The following MAN1A1 variants were observed in gnomAD, a reference collection of about 807,000 sequenced individuals.
MAN1A1 encodes the protein mannosidase alpha class 1A member 1.
MAN1A1 carries 29 observed loss-of-function variants against 70.8 expected under a neutral mutation model. The observed-to-expected ratio is 0.41, with a 90% CI of 0.31 to 0.56. MAN1A1 has a LOEUF of 0.56. MAN1A1 is among the 20% of genes least tolerant of loss of function. The probability of loss-of-function intolerance (pLI) is 0.29; values close to 1 mark genes in which losing one functional copy is unlikely to be tolerated. For missense variants in MAN1A1, 747 were observed against 841.3 expected (o/e 0.89, Z 1.39); for synonymous variants, 349 against 330.1 (o/e 1.06, Z -0.62).
chr6:119,203,581 A>AGGT (rs2114948578), intron 7 of MAN1A1, among the ~76,000 whole-genome samples: 1 of 152,198 alleles, frequency 6.6e-6, no homozygotes, highest in East Asian at 1.9e-4. Flanking sequence ...GTGTACATAC[A>AGGT]GTACACCAGG....
At chr6:119,225,912 A>G (rs1421447642) in intron 6 of MAN1A1, among the ~76,000 whole-genome samples, 4 of 152,244 alleles carry the variant, frequency 2.6e-5, no homozygotes, top group Admixed American at 2.6e-4. Flanking sequence ...CTAGAAGAAC[A>G]TATTTAGGTT....
chr6:119,243,221 C>A (rs939339976), intron 6 of MAN1A1, among the ~76,000 whole-genome samples: 2 of 151,946 alleles, frequency 1.3e-5, no homozygotes, highest in African/African-American at 4.8e-5. Flanking sequence ...AATACTAGCA[C>A]CATTAAATCA....
chr6:119,307,562 T>C (rs1038353986), intron 2 of MAN1A1, among the ~76,000 whole-genome samples: 10 of 152,326 alleles, frequency 6.6e-5, no homozygotes, highest in African/African-American at 1.9e-4. Flanking sequence ...TTGTTTATTT[T>C]AATGTAATCA....
At chr6:119,219,388 C>G (rs1345676503) in intron 6 of MAN1A1, among the ~76,000 whole-genome samples, 1 of 152,124 alleles carries the variant, frequency 6.6e-6, no homozygotes, top group Admixed American at 6.5e-5. Flanking sequence ...TTATCTTGGG[C>G]ATGTCCCTTC....
At chr6:119,274,844 G>A (rs1251737952) in intron 5 of MAN1A1, among the ~76,000 whole-genome samples, 2 of 152,170 alleles carry the variant, frequency 1.3e-5, no homozygotes, top group African/African-American at 4.8e-5. Context: ...CTCTATTGAT[G>A]AAAAGAGTCA....
At chr6:119,220,287 C>T (rs1347746979) in intron 6 of MAN1A1, among the ~76,000 whole-genome samples, 3 of 151,996 alleles carry the variant, frequency 2.0e-5, no homozygotes, top group African/African-American at 7.2e-5. Flanking sequence ...AAATTTAAAG[C>T]TTAATTCCAA....
chr6:119,291,428 T>C (rs1241873138), intron 4 of MAN1A1, among the ~76,000 whole-genome samples: 1 of 152,056 alleles, frequency 6.6e-6, no homozygotes, highest in African/African-American at 2.4e-5. Flanking sequence ...CTAAACAAAA[T>C]TACAAAAATA....
chr6:119,292,216 C>T (rs548353847), intron 4 of MAN1A1, among the ~76,000 whole-genome samples: 89 of 152,076 alleles, frequency 5.9e-4, no homozygotes, highest in African/African-American at 2.1e-3. Flanking sequence ...GTTAGAATAG[C>T]TAACCTACTA....
intron 5 of MAN1A1, among the ~76,000 whole-genome samples, chr6:119,283,611 T>C (rs1310935211): frequency 6.6e-6 from 1 of 151,928 alleles, no homozygotes; most frequent in Non-Finnish European, 1.5e-5. Context: ...GGAGGGGCTG[T>C]ATCTATCTTG....
chr6:119,237,212 C>T (rs1774869457), intron 6 of MAN1A1, among the ~76,000 whole-genome samples: 3 of 152,156 alleles, frequency 2.0e-5, no homozygotes, highest in Non-Finnish European at 4.4e-5. Flanking sequence ...GTTACATAAA[C>T]ACAGTGATAA....
chr6:119,341,849 C>T (rs1467956177), intron 2 of MAN1A1, among the ~76,000 whole-genome samples: 3 of 152,168 alleles, frequency 2.0e-5, no homozygotes, highest in Non-Finnish European at 4.4e-5. Flanking sequence ...GGCATGGTGG[C>T]TCACACCTGT....
chr6:119,331,045 G>A (rs1773296171), intron 2 of MAN1A1, among the ~76,000 whole-genome samples: 1 of 152,014 alleles, frequency 6.6e-6, no homozygotes, highest in Admixed American at 6.5e-5. Context: ...TTTGTAGGAG[G>A]GTTGTTGGAA....
chr6:119,281,206 T>C (rs1323604828), intron 5 of MAN1A1, among the ~76,000 whole-genome samples: 1 of 152,230 alleles, frequency 6.6e-6, no homozygotes, highest in African/African-American at 2.4e-5. Flanking sequence ...TCACCCTACT[T>C]TGGTGCCACT....
At chr6:119,241,565 A>C (rs957728737) in intron 6 of MAN1A1, among the ~76,000 whole-genome samples, 3 of 152,156 alleles carry the variant, frequency 2.0e-5, no homozygotes, top group Non-Finnish European at 4.4e-5. Flanking sequence ...TGTTTTAATG[A>C]TCTCTCCTGG....
chr6:119,273,152 TTTAG>T (rs1775970623), intron 5 of MAN1A1, among the ~76,000 whole-genome samples: 1 of 152,146 alleles, frequency 6.6e-6, no homozygotes, highest in African/African-American at 2.4e-5. Context: ...GGGGCAGAAA[TTTAG>T]TTAATGATTG....
At chr6:119,270,038 A>C (rs993914789) in intron 5 of MAN1A1, among the ~76,000 whole-genome samples, 13 of 152,074 alleles carry the variant, frequency 8.5e-5, no homozygotes, top group Non-Finnish European at 1.8e-4. Flanking sequence ...CAAAATTCTC[A>C]TTTTTGGCCA....
chr6:119,249,067 A>G (rs1297807898), intron 5 of MAN1A1, among the ~76,000 whole-genome samples: 1 of 152,164 alleles, frequency 6.6e-6, no homozygotes, highest in Non-Finnish European at 1.5e-5. Context: ...TTAGATGAGA[A>G]CTGTACGCAG....
chr6:119,335,252 C>T (rs1773422361), intron 2 of MAN1A1, among the ~76,000 whole-genome samples: 1 of 152,184 alleles, frequency 6.6e-6, no homozygotes. Context: ...ATCACTCCTA[C>T]CAATTCCTAG....
At chr6:119,293,925 G>A (rs958378026) in intron 4 of MAN1A1, among the ~76,000 whole-genome samples, 1 of 152,018 alleles carries the variant, frequency 6.6e-6, no homozygotes, top group African/African-American at 2.4e-5. Context: ...TACGTAGAAA[G>A]GGACAATGAA....
Sources: allele counts gnomAD v4.1 joint callset (sites outside exome capture counted in the v4.1 genomes callset), GRCh38; gene constraint gnomAD v4.1.1; transcripts MANE v1.5; gene names NCBI Gene and HGNC (gene_info 2026-07-23, HGNC 2026-07-21).